MCF2L: variants seen among roughly 807,000 people sequenced by gnomAD.
MCF2L encodes the protein MCF.2 cell line derived transforming sequence like, also known as guanine nucleotide exchange factor DBS.
MCF2L carries 97 observed loss-of-function variants against 153.4 expected under a neutral mutation model. The observed-to-expected ratio is 0.63, with a 90% confidence interval of 0.54 to 0.75. The LOEUF (loss-of-function observed/expected upper bound fraction) is 0.75, where lower values mean the gene tolerates loss of function less well. Ranked by LOEUF, MCF2L falls within the 30% of genes least tolerant of loss-of-function variation. The pLI is 0.00. For missense variants in MCF2L, 1,347 were observed against 1,495.2 expected (o/e 0.90, Z 1.64); for synonymous variants, 659 against 632.2 (o/e 1.04, Z -0.64).
intron 4 of MCF2L, among the ~76,000 whole-genome samples, chr13:113,049,427 C>A (rs2087059744): frequency 6.6e-6 from 1 of 152,164 alleles, no homozygotes; most frequent in African/African-American, 2.4e-5. Flanking sequence ...CCAGGGATGA[C>A]CCCTTGGGCA....
Position 113,099,256 on chromosome 13 carries a change from C to T in MCF2L, c.*2397C>T, listed in dbSNP as rs2035830701. ...GTCGGCAGACAGCAATGTTGACTGT[C>T]ATGAAAAGTGATCCCTGTTTGCCCC... On this transcript the variant is annotated 3_prime_UTR_variant, in exon 30 of 30. Transcript: ENST00000535094. The T allele has an allele frequency of 6.6e-6, 1 of 152,206 alleles. No homozygotes were observed. The highest frequency in any genetic ancestry group is 1.5e-5 in the Non-Finnish European group (1 of 68,042). The allele number at this position is 152,206 out of a possible 1,614,324, so 9.4% of individuals were successfully genotyped here.
chr13:112,916,018 G>A (rs1430324686), intron 2 of MCF2L, among the ~76,000 whole-genome samples: 1 of 147,234 alleles, frequency 6.8e-6, no homozygotes, highest in African/African-American at 2.5e-5. Flanking sequence ...TTAACACGGT[G>A]AAACCCCGTC....
At chr13:113,036,244 C>A (rs2086145897) in intron 3 of MCF2L, among the ~76,000 whole-genome samples, 1 of 152,334 alleles carries the variant, frequency 6.6e-6, no homozygotes, top group East Asian at 1.9e-4. Context: ...CGCCACCATT[C>A]TCTTTTAATT....
chr13:113,085,456 G>T (rs1452725999), intron 20 of MCF2L, among the ~76,000 whole-genome samples: 1 of 152,196 alleles, frequency 6.6e-6, no homozygotes, highest in Non-Finnish European at 1.5e-5. Flanking sequence ...GTCCCTCCAG[G>T]GTGGAGCCGT....
chr13:112,971,036 C>A (rs982310627), intron 1 of MCF2L, among the ~76,000 whole-genome samples: 1 of 152,204 alleles, frequency 6.6e-6, no homozygotes, highest in Non-Finnish European at 1.5e-5. Context: ...GCATCATACT[C>A]CACTTACCAC....
At chr13:112,900,026 T>C (rs2081105338) in intron 1 of MCF2L, among the ~76,000 whole-genome samples, 3 of 152,178 alleles carry the variant, frequency 2.0e-5, no homozygotes, top group Admixed American at 2.0e-4. Context: ...GGGGACGCGA[T>C]TGCAGCCAGG....
At chr13:113,094,825 C>G in intron 27 of MCF2L, 190 bp downstream of exon 27, 1 of 1,075,648 alleles carries the variant, frequency 9.3e-7, no homozygotes, top group Admixed American at 2.1e-5. Context: ...GAAGGTCCAC[C>G]CAGACCTGGG....
intron 2 of MCF2L, among the ~76,000 whole-genome samples, chr13:112,921,101 C>T (rs540927497): frequency 3.9e-5 from 6 of 152,110 alleles, no homozygotes; most frequent in Non-Finnish European, 7.4e-5. Context: ...GGCGTGAATC[C>T]GGGAGGCAGA....
intron 1 of MCF2L, among the ~76,000 whole-genome samples, chr13:113,011,487 T>G: frequency 6.8e-6 from 1 of 146,754 alleles, no homozygotes; most frequent in African/African-American, 2.6e-5. Context: ...ACAGGCGGTG[T>G]GGATGGTGGA....
chr13:113,038,992 G>C (rs898177395), intron 3 of MCF2L, among the ~76,000 whole-genome samples: 3 of 152,134 alleles, frequency 2.0e-5, no homozygotes, highest in African/African-American at 7.2e-5. Flanking sequence ...CGCATAGCTG[G>C]GACTACAGGC....
At chr13:113,042,819 T>C (rs1314719311) in intron 3 of MCF2L, 1 of 152,276 alleles carries the variant, frequency 6.6e-6, no homozygotes, top group African/African-American at 2.4e-5. Flanking sequence ...GCATTCTGCA[T>C]CCAGCAGCTC....
intron 2 of MCF2L, among the ~76,000 whole-genome samples, chr13:112,962,281 TCACA>T (rs1439772153): frequency 1.3e-5 from 2 of 151,010 alleles, no homozygotes; most frequent in Non-Finnish European, 3.0e-5. Flanking sequence ...GCACAGATGC[TCACA>T]CACGCATGTA....
upstream of MCF2L, chr13:112,969,128 A>T: frequency 3.8e-6 from 1 of 265,396 alleles, no homozygotes; most frequent in Non-Finnish European, 6.5e-6. The surrounding 1 kb of genome is among the most constrained non-coding windows in gnomAD (Gnocchi z 4.8). Flanking sequence ...CGGTGGTGAC[A>T]CACCGGGGCG....
At chr13:113,000,673 T>C (rs1326503306) in intron 1 of MCF2L, among the ~76,000 whole-genome samples, 8 of 152,284 alleles carry the variant, frequency 5.3e-5, no homozygotes, top group African/African-American at 1.9e-4. Context: ...AGGAGCCAGG[T>C]GTCTGGCATT....
chr13:113,060,754 C>A, intron 5 of MCF2L, 42 bp downstream of exon 5: 1 of 1,605,554 alleles, frequency 6.2e-7, no homozygotes, highest in Non-Finnish European at 8.5e-7. Flanking sequence ...CAGAACGGAA[C>A]TCATTGCCGT....
chr13:113,074,578 C>T lies in MCF2L; in HGVS notation c.1116+15C>T, dbSNP rs200404089. ...AGAAATCAGGCGTAAGGCGGGGTCC[C>T]GGCGGGGGCGGCGGGAGAGTGTGGG... is the stretch of plus-strand genomic sequence containing the variant. On this transcript the variant is annotated intron_variant, in intron 10 of 29. Coordinates refer to ENST00000535094, the MANE Select transcript of MCF2L (RefSeq NM_001112732.3). This position sits in a 1 kb window ranked among gnomAD's most constrained non-coding sequence, Gnocchi z 4.2. The T allele has an allele frequency of 1.4e-3, 2,204 of 1,611,022 alleles. 5 individuals carry two copies. Among genetic ancestry groups the T allele is most frequent in the Non-Finnish European group, 9.5e-4 (1,122 of 1,177,934 alleles).
intron 4 of MCF2L, among the ~76,000 whole-genome samples, chr13:113,050,541 C>G (rs1003283202): frequency 6.7e-6 from 1 of 150,132 alleles, no homozygotes; most frequent in Non-Finnish European, 1.5e-5. Context: ...ACTTCTAGGT[C>G]GTCCAGCAAA....
In MCF2L at chr13:113,083,398, C is replaced by T. The variant is rs113346171; in HGVS notation, c.1992-600C>T. ...ACCACCAAGGAGCCTTCCACGTCCA[C>T]GGAGCTTGGGCAGAACCTTAGTGTC... is the stretch of plus-strand genomic sequence containing the variant. On this transcript the variant is annotated intron_variant, in intron 17 of 29. Coordinates refer to ENST00000535094, the MANE Select transcript of MCF2L (RefSeq NM_001112732.3). 5.3e-3 allele frequency among the ~76,000 whole-genome samples: 802 copies of T among 152,342 alleles called. 6 individuals carry two copies. The highest frequency in any genetic ancestry group is 0.018 in the African/African-American group (769 of 41,584).
chr13:113,095,009 C>T lies in MCF2L; in HGVS notation c.3075+374C>T, dbSNP rs1394531482. ...CCTGTAGAGCCCACTCGTGGGTGCA[C>T]CTTCCTCAGAGGAGACAGTCCCCAC... On this transcript the variant is annotated intron_variant, in intron 27 of 29. Transcript: ENST00000535094. 2.2e-6 allele frequency: 3 copies of T among 1,376,226 alleles called. No individual in the cohort carries two copies. In the African/African-American group the frequency reaches 4.4e-5, roughly 20 times the overall value. The allele number at this position is 1,376,226 out of a possible 1,614,324, so 85.3% of individuals were successfully genotyped here.
Sources: gnomAD v4.1 joint callset for allele counts (sites outside exome capture counted in the v4.1 genomes callset) on GRCh38, gnomAD v4.1.1 for gene constraint, Gnocchi (gnomAD v3.1) non-coding constraint, MANE v1.5 for transcripts, NCBI Gene and HGNC (gene_info 2026-07-23, HGNC 2026-07-21) for gene names.